The following CCDC6 variants were observed in gnomAD, a reference collection of about 807,000 sequenced individuals.
The protein encoded by CCDC6 is coiled-coil domain containing 6, also known as coiled-coil domain-containing protein 6.
In CCDC6, 20 loss-of-function variants were observed where a neutral mutation model predicts 56.6. That is an observed-to-expected ratio of 0.35 (90% CI 0.25 to 0.51). The LOEUF (loss-of-function observed/expected upper bound fraction) is 0.51, where lower values mean the gene tolerates loss of function less well. CCDC6 is among the 20% of genes least tolerant of loss of function. The pLI is 0.95. For missense variants in CCDC6, 367 were observed against 601.1 expected (o/e 0.61, Z 4.07); for synonymous variants, 241 against 234.4 (o/e 1.03, Z -0.26).
chr10:59,858,401 A>G (rs188228561), intron 1 of CCDC6, among the ~76,000 whole-genome samples: 1 of 152,372 alleles, frequency 6.6e-6, no homozygotes, highest in African/African-American at 2.4e-5. Flanking sequence ...GGATTGGAGC[A>G]GAATCATTAT....
chr10:59,872,636 A>T lies in CCDC6; in HGVS notation c.304-19934T>A, dbSNP rs1208294257. On this transcript the variant is annotated intron_variant, in intron 1 of 8. Coordinates refer to ENST00000263102, the MANE Select transcript of CCDC6 (RefSeq NM_005436.5). ...TCTAGTTTTCAGTGAGTAAAGAGGG[A>T]CGGAAGGTTTAACCTCTAGCAAGGG... 2.6e-5 allele frequency among the ~76,000 whole-genome samples: 4 copies of T among 152,128 alleles called. No homozygotes were observed. In the East Asian group the frequency reaches 7.7e-4, roughly 29 times the overall value.
chr10:59,896,523 A>G (rs559006321), intron 1 of CCDC6, among the ~76,000 whole-genome samples: 2 of 152,328 alleles, frequency 1.3e-5, no homozygotes, highest in South Asian at 2.1e-4. Context: ...GTCCAAATTT[A>G]TAACTTCAAG....
At chr10:59,806,332 G>C (rs887704830) in intron 6 of CCDC6, 2 of 152,196 alleles carry the variant, frequency 1.3e-5, no homozygotes, top group Non-Finnish European at 2.9e-5. Context: ...GGATGGGTCT[G>C]TTATTCCAGA....
intron 3 of CCDC6, among the ~76,000 whole-genome samples, chr10:59,824,570 G>A (rs1001154586): frequency 6.6e-6 from 1 of 152,124 alleles, no homozygotes; most frequent in African/African-American, 2.4e-5. Context: ...CTATGATTAT[G>A]TCTCCAATAG....
At chr10:59,796,863 C>T (rs1015247557) in intron 7 of CCDC6, among the ~76,000 whole-genome samples, 17 of 151,248 alleles carry the variant, frequency 1.1e-4, no homozygotes, top group African/African-American at 3.4e-4. Flanking sequence ...CCTAGCTATT[C>T]GGGAGTCTGA....
At chr10:59,866,136 A>G (rs2071175164) in intron 1 of CCDC6, among the ~76,000 whole-genome samples, 1 of 152,224 alleles carries the variant, frequency 6.6e-6, no homozygotes, top group Non-Finnish European at 1.5e-5. Context: ...AATCTCCTGC[A>G]TGGGAAGCAC....
In CCDC6 at chr10:59,789,928, A is replaced by G. The variant is rs1199828002; in HGVS notation, c.*2989T>C. On this transcript the variant is annotated 3_prime_UTR_variant, in exon 9 of 9. Transcript: ENST00000263102. ...TGTTAGAAGCCAATTACAAAGGGACAGTAGCACTTGGTGTCAAAGCCACTT... is the reference window on the plus strand; with the variant it reads ...TGTTAGAAGCCAATTACAAAGGGACGGTAGCACTTGGTGTCAAAGCCACTT... 1 of 217,734 alleles carries G rather than the reference A, an allele frequency of 4.6e-6. No individual in the cohort carries two copies. 13.5% of individuals were successfully genotyped at this position (217,734 alleles called of 1,614,324 possible). A position where few individuals can be genotyped will look rare whatever the true frequency, so the allele number is the denominator to read the frequency against.
chr10:59,850,915 T>A (rs1342305662), intron 2 of CCDC6, among the ~76,000 whole-genome samples: 1 of 151,110 alleles, frequency 6.6e-6, no homozygotes, highest in African/African-American at 2.5e-5. Context: ...TTCATTCTTA[T>A]GTTCTTATGT....
At chr10:59,848,559 T>A (rs1240090371) in intron 2 of CCDC6, among the ~76,000 whole-genome samples, 1 of 152,146 alleles carries the variant, frequency 6.6e-6, no homozygotes, top group African/African-American at 2.4e-5. Context: ...GTGCCTGTAA[T>A]CCCAGCTACC....
chr10:59,852,393 T>A (rs890662207), intron 2 of CCDC6, among the ~76,000 whole-genome samples, 160 bp downstream of exon 2: 5 of 152,236 alleles, frequency 3.3e-5, no homozygotes, highest in Non-Finnish European at 7.3e-5. Context: ...CAGTCTTGAC[T>A]ATTACACCGC....
At chr10:59,807,106 C>A in intron 5 of CCDC6, 28 bp from the exon 6 acceptor site, 1 of 1,605,782 alleles carries the variant, frequency 6.2e-7, no homozygotes, top group South Asian at 1.1e-5. Flanking sequence ...TCAATTAAAC[C>A]ATGTTTCATG....
intron 1 of CCDC6, among the ~76,000 whole-genome samples, chr10:59,872,484 G>A (rs979901101): frequency 3.3e-5 from 5 of 152,212 alleles, no homozygotes; most frequent in Non-Finnish European, 5.9e-5. Context: ...TCGTGCGAAG[G>A]TGTCCAGGGG....
At chr10:59,812,075 A>G (rs2070677533) in intron 5 of CCDC6, among the ~76,000 whole-genome samples, 1 of 151,360 alleles carries the variant, frequency 6.6e-6, no homozygotes, top group Admixed American at 6.6e-5. Context: ...AAAAAAAAAA[A>G]AAAAAAACCA....
chr10:59,801,798 T>A (rs778672948), intron 7 of CCDC6, among the ~76,000 whole-genome samples: 12 of 152,164 alleles, frequency 7.9e-5, no homozygotes, highest in Admixed American at 2.6e-4. Flanking sequence ...TTAATACTGC[T>A]CAAATTGTCC....
chr10:59,852,934 C>T (rs2071051482), intron 1 of CCDC6, among the ~76,000 whole-genome samples: 1 of 152,132 alleles, frequency 6.6e-6, no homozygotes, highest in Non-Finnish European at 1.5e-5. Context: ...TATGTGTGGT[C>T]CTTATTCTTA....
chr10:59,792,968 G>A lies in CCDC6; in HGVS notation c.1374C>T (p.Thr458=), dbSNP rs1474041365. The change falls in exon 9 of 9, where the codon ACC becomes ACT. Residue 458 remains threonine, a synonymous_variant. Coordinates refer to ENST00000263102, the MANE Select transcript of CCDC6 (RefSeq NM_005436.5). ...AATGTTGCGAAGGAGTAGGCTGCGA[G>A]GTGGCTGCTGAGGGGACCGTGGGCT... The part of the protein sequence containing the change: ...PMQPTVPSAA[T]SQPTPSQHSA... 1 of 1,612,604 alleles carries A rather than the reference G, an allele frequency of 6.2e-7. No individual in the cohort carries two copies. The highest frequency in any genetic ancestry group is 8.5e-7 in the Non-Finnish European group (1 of 1,179,072).
At chr10:59,870,839 G>A (rs184772477) in intron 1 of CCDC6, among the ~76,000 whole-genome samples, 40 of 152,316 alleles carry the variant, frequency 2.6e-4, no homozygotes, top group Admixed American at 9.1e-4. Context: ...GAAATAGGAA[G>A]ACCCCAGTGA....
At chr10:59,797,683 T>TTG (rs72280811) in intron 7 of CCDC6, among the ~76,000 whole-genome samples, 12,815 of 140,440 alleles carry the variant, frequency 0.091, 652 homozygotes, top group East Asian at 0.27. Context: ...AGTGAGAGTG[T>TTG]TGTGTGTGTG....
At chr10:59,875,797 G>A (rs755117968) in intron 1 of CCDC6, among the ~76,000 whole-genome samples, 1 of 152,142 alleles carries the variant, frequency 6.6e-6, no homozygotes, top group African/African-American at 2.4e-5. Context: ...GCAATTTGAT[G>A]TTTAAGACCT....
Sources: allele counts gnomAD v4.1 joint callset (sites outside exome capture counted in the v4.1 genomes callset), GRCh38; gene constraint gnomAD v4.1.1; transcripts MANE v1.5; gene names NCBI Gene and HGNC (gene_info 2026-07-23, HGNC 2026-07-21).